GNAZ: variants seen among roughly 807,000 people sequenced by gnomAD.
The protein encoded by GNAZ is G protein subunit alpha z.
In GNAZ, 3 loss-of-function variants were observed where a neutral mutation model predicts 25.4. The ratio of observed to expected loss-of-function variants is 0.12; its 90% CI spans 0.05 to 0.30. GNAZ has a LOEUF of 0.30. Among genes scored for constraint, GNAZ ranks in the 10% least tolerant of loss-of-function variants. The pLI is 1.00. For missense variants in GNAZ, 241 were observed against 501.8 expected (o/e 0.48, Z 4.97); for synonymous variants, 211 against 205.7 (o/e 1.03, Z -0.22).
intron 2 of GNAZ, among the ~76,000 whole-genome samples, chr22:23,117,354 C>T (rs763089157): frequency 6.6e-6 from 1 of 152,234 alleles, no homozygotes; most frequent in African/African-American, 2.4e-5. Context: ...ATTGCATCTC[C>T]AGGCTAAGGG....
intron 2 of GNAZ, 28 bp downstream of exon 2, chr22:23,096,446 C>A: frequency 6.4e-7 from 1 of 1,572,342 alleles, no homozygotes; most frequent in Non-Finnish European, 8.6e-7. Flanking sequence ...TTTTCCTCTG[C>A]TTGTTCCTGC....
rs138019054 is a variant in GNAZ at position 23,092,854 on chromosome 22, C to T, written c.-449-2393C>T. 8.1e-4 allele frequency among the ~76,000 whole-genome samples: 123 copies of T among 152,348 alleles called. 2 individuals carry two copies. The East Asian group carries it at 0.021, about 26-fold the overall frequency. On this transcript the variant is annotated intron_variant, in intron 1 of 2. Transcript: ENST00000615612. ...CCTGGCTGTACCTCAGATTTTCAAA[C>T]GTGGAATTGAGAAGAACAGTCATGA...
At chr22:23,116,214 G>C (rs1252693643) in intron 2 of GNAZ, among the ~76,000 whole-genome samples, 2 of 152,232 alleles carry the variant, frequency 1.3e-5, no homozygotes, top group African/African-American at 4.8e-5. Context: ...AGGGGCTGAG[G>C]GGCCTTCTGG....
In GNAZ at chr22:23,071,133, T is replaced by C. The variant is rs2068360391; in HGVS notation, c.-450+563T>C. 6.6e-6 allele frequency among the ~76,000 whole-genome samples: 1 copy of C among 152,040 alleles called. No individual in the cohort carries two copies. Among genetic ancestry groups the C allele is most frequent in the Non-Finnish European group, 1.5e-5 (1 of 68,002 alleles). Reference sequence around the variant, plus strand: ...AGCGAGCAGGTTCCTCACAGGCATTTAGAGGAAGAGATGAGTATCGACCTG... The same window carrying C: ...AGCGAGCAGGTTCCTCACAGGCATTCAGAGGAAGAGATGAGTATCGACCTG... On this transcript the variant is annotated intron_variant, in intron 1 of 2. Transcript: ENST00000615612. This position sits in a 1 kb window ranked among gnomAD's most constrained non-coding sequence, Gnocchi z 4.1.
At chr22:23,101,717 C>A (rs2069307567) in intron 2 of GNAZ, among the ~76,000 whole-genome samples, 1 of 152,248 alleles carries the variant, frequency 6.6e-6, no homozygotes, top group Non-Finnish European at 1.5e-5. Flanking sequence ...GTTATCATGA[C>A]CCTGGAACAG....
intron 2 of GNAZ, among the ~76,000 whole-genome samples, chr22:23,110,888 G>A (rs761495895): frequency 1.3e-5 from 2 of 152,196 alleles, no homozygotes; most frequent in Non-Finnish European, 2.9e-5. Flanking sequence ...GGGCAACTCA[G>A]GCCTCCCTGC....
chr22:23,081,801 AAC>A (rs2068684412), intron 1 of GNAZ, among the ~76,000 whole-genome samples: 1 of 123,562 alleles, frequency 8.1e-6, no homozygotes, highest in Non-Finnish European at 1.7e-5. Flanking sequence ...CAGCCTGGGC[AAC>A]AGAGTGAGAT....
intron 1 of GNAZ, among the ~76,000 whole-genome samples, chr22:23,079,063 C>T (rs1434367991): frequency 6.6e-6 from 1 of 152,210 alleles, no homozygotes; most frequent in Non-Finnish European, 1.5e-5. Flanking sequence ...TTGGCACCTG[C>T]TTGGTGCTAG....
chr22:23,105,118 C>T (rs1051474097), intron 2 of GNAZ, among the ~76,000 whole-genome samples: 2 of 152,228 alleles, frequency 1.3e-5, no homozygotes, highest in Non-Finnish European at 2.9e-5. Flanking sequence ...CGACTGGGGG[C>T]CCTGGGCCTT....
At chr22:23,089,026 C>T (rs1287409095) in intron 1 of GNAZ, among the ~76,000 whole-genome samples, 1 of 152,184 alleles carries the variant, frequency 6.6e-6, no homozygotes, top group East Asian at 1.9e-4. Context: ...TGAACCATCA[C>T]TTCGTCTTGG....
At chr22:23,088,803 G>A (rs1190810640) in intron 1 of GNAZ, among the ~76,000 whole-genome samples, 1 of 152,180 alleles carries the variant, frequency 6.6e-6, no homozygotes, top group African/African-American at 2.4e-5. Context: ...GGCATTAGGG[G>A]TGTGGCCTTG....
At chr22:23,116,953 C>T (rs927378040) in intron 2 of GNAZ, among the ~76,000 whole-genome samples, 9 of 152,292 alleles carry the variant, frequency 5.9e-5, no homozygotes, top group Admixed American at 4.6e-4. Flanking sequence ...CCTCTCCCAC[C>T]GCAGGCCCAT....
chr22:23,121,490 G>A (rs1470244854), intron 2 of GNAZ, among the ~76,000 whole-genome samples: 1 of 152,174 alleles, frequency 6.6e-6, no homozygotes, highest in Non-Finnish European at 1.5e-5. Flanking sequence ...CTGGTTGTGG[G>A]GCTTGGAGCA....
rs1601842398 is a variant in GNAZ, at chr22:23,123,069, G to A, written c.724-18G>A. 1.9e-6 allele frequency: 3 copies of A among 1,566,396 alleles called. No homozygotes were observed. Among genetic ancestry groups the A allele is most frequent in the Non-Finnish European group, 2.6e-6 (3 of 1,137,048 alleles). On this transcript the variant is annotated intron_variant, in intron 2 of 2. Coordinates refer to ENST00000615612, the MANE Select transcript of GNAZ (RefSeq NM_002073.4). Reference sequence around the variant, plus strand: ...CCTGCTGCGGGCCTGATTAACGCCAGTACTTTCCTTTCCCCAGAGTCGGAT... The same window carrying A: ...CCTGCTGCGGGCCTGATTAACGCCAATACTTTCCTTTCCCCAGAGTCGGAT...
At chr22:23,088,433 G>A (rs2068875114) in intron 1 of GNAZ, among the ~76,000 whole-genome samples, 2 of 152,200 alleles carry the variant, frequency 1.3e-5, no homozygotes, top group Admixed American at 1.3e-4. Flanking sequence ...CCAGCTGCTG[G>A]GTGCCAAGGT....
At position 23,093,684 on chromosome 22, in the gene GNAZ, GT is replaced by G. The variant is rs551511391; in HGVS notation, c.-449-1562del. 8.0e-4 allele frequency among the ~76,000 whole-genome samples: 122 copies of G among 152,240 alleles called. 2 individuals carry two copies. The highest frequency in any genetic ancestry group is 5.9e-4 in the Non-Finnish European group (40 of 68,036). ...GTGAGGGACAGGCTCTGAGATGGGA[GT>G]AAGTCGCCAGAGGCCACACAACCTG... is the stretch of plus-strand genomic sequence containing the variant. On this transcript the variant is annotated intron_variant, in intron 1 of 2. Coordinates refer to ENST00000615612, the MANE Select transcript of GNAZ (RefSeq NM_002073.4).
chr22:23,105,601 G>C (rs181848705), intron 2 of GNAZ, among the ~76,000 whole-genome samples: 1 of 152,316 alleles, frequency 6.6e-6, no homozygotes, highest in East Asian at 1.9e-4. Context: ...GGGTTCCTGG[G>C]GATCCTCTGG....
intron 1 of GNAZ, among the ~76,000 whole-genome samples, chr22:23,090,603 G>A (rs2068944125): frequency 6.6e-6 from 1 of 152,130 alleles, no homozygotes; most frequent in South Asian, 2.1e-4. Context: ...AGACTGGTCA[G>A]GCATGCTCCC....
At chr22:23,085,112 T>A (rs2068783207) in intron 1 of GNAZ, among the ~76,000 whole-genome samples, 1 of 152,150 alleles carries the variant, frequency 6.6e-6, no homozygotes, top group African/African-American at 2.4e-5. Flanking sequence ...GGACATGGTT[T>A]CCAGGCAGCT....
Sources: gnomAD v4.1 joint callset for allele counts (sites outside exome capture counted in the v4.1 genomes callset) on GRCh38, gnomAD v4.1.1 for gene constraint, Gnocchi (gnomAD v3.1) non-coding constraint, MANE v1.5 for transcripts, NCBI Gene and HGNC (gene_info 2026-07-23, HGNC 2026-07-21) for gene names.